CMTM4: variants seen among roughly 807,000 people sequenced by gnomAD.
CMTM4 encodes the protein CKLF like MARVEL transmembrane domain containing 4.
In CMTM4, 8 loss-of-function variants were observed where a neutral mutation model predicts 19.0. The ratio of observed to expected loss-of-function variants is 0.42; its 90% CI spans 0.25 to 0.76. The LOEUF is 0.76. Among genes scored for constraint, CMTM4 ranks in the 30% least tolerant of loss-of-function variants. The pLI, the probability that CMTM4 is intolerant of heterozygous loss-of-function variation, is 0.27. For synonymous variants in CMTM4, 106 were observed against 121.1 expected (o/e 0.88, Z 0.82); for missense variants, 228 against 290.2 (o/e 0.79, Z 1.56).
At chr16:66,613,417 G>C (rs2015458444), downstream of CMTM4, 1 of 387,004 alleles carries the variant, frequency 2.6e-6, no homozygotes, top group African/African-American at 2.0e-5. Flanking sequence ...CTTCTTCCTA[G>C]AGCCCAGCCA....
At chr16:66,691,233 G>A (rs1012371446) in intron 1 of CMTM4, among the ~76,000 whole-genome samples, 1 of 152,184 alleles carries the variant, frequency 6.6e-6, no homozygotes, top group African/African-American at 2.4e-5. Flanking sequence ...ATCAGGTGCG[G>A]TGGCTCACGC....
chr16:66,635,903 G>A (rs563382533), intron 2 of CMTM4, among the ~76,000 whole-genome samples: 2 of 152,260 alleles, frequency 1.3e-5, no homozygotes, highest in South Asian at 4.1e-4. Flanking sequence ...GGGAGAAGGG[G>A]CAGGTTTCCA....
At chr16:66,601,103 G>T in the CMTM4 span, among the ~76,000 whole-genome samples, 1 of 145,946 alleles carries the variant, frequency 6.9e-6, no homozygotes, top group Non-Finnish European at 1.5e-5. Context: ...GTGTGTGTGT[G>T]TGTCTGTGTG....
At chr16:66,624,891 G>T (rs978647020) in intron 2 of CMTM4, among the ~76,000 whole-genome samples, 2 of 152,258 alleles carry the variant, frequency 1.3e-5, no homozygotes, top group Non-Finnish European at 2.9e-5. Flanking sequence ...TCTGCCAGCA[G>T]GATGGGTTTC....
chr16:66,691,012 G>C (rs762347337), intron 1 of CMTM4, among the ~76,000 whole-genome samples: 14 of 152,088 alleles, frequency 9.2e-5, no homozygotes, highest in Non-Finnish European at 1.5e-4. Context: ...GGCTATTCAG[G>C]AGGCTGAGGC....
chr16:66,656,116 T>C (rs1425781852), intron 1 of CMTM4, among the ~76,000 whole-genome samples: 1 of 151,978 alleles, frequency 6.6e-6, no homozygotes, highest in Non-Finnish European at 1.5e-5. Context: ...ACAGAGTATT[T>C]GTCTCCAAAA....
In CMTM4 at chr16:66,621,686, A is replaced by G. The variant is rs1294248113; in HGVS notation, c.*372T>C. Reference sequence around the variant, plus strand: ...GAACCACTGCCGACTGACCGTTCCAATGCTGTCCCTTCATTCCTTCATATT... The same window carrying G: ...GAACCACTGCCGACTGACCGTTCCAGTGCTGTCCCTTCATTCCTTCATATT... On this transcript the variant is annotated 3_prime_UTR_variant, in exon 4 of 4. Transcript: ENST00000394106. 7.6e-6 allele frequency: 8 copies of G among 1,053,678 alleles called. No homozygotes were observed. Among genetic ancestry groups the G allele is most frequent in the South Asian group, 7.0e-5 (2 of 28,762 alleles). The allele number at this position is 1,053,678 out of a possible 1,614,324, so 65.3% of individuals were successfully genotyped here. A position where few individuals can be genotyped will look rare whatever the true frequency, so the allele number is the denominator to read the frequency against.
intron 1 of CMTM4, among the ~76,000 whole-genome samples, chr16:66,684,680 T>C (rs2017001703): frequency 6.6e-6 from 1 of 152,158 alleles, no homozygotes; most frequent in Admixed American, 6.6e-5. Flanking sequence ...GTTAAACTGT[T>C]TAAAAATAGG....
At chr16:66,666,793 T>C (rs2016602222) in intron 1 of CMTM4, among the ~76,000 whole-genome samples, 1 of 152,200 alleles carries the variant, frequency 6.6e-6, no homozygotes, top group Non-Finnish European at 1.5e-5. Flanking sequence ...CTGGAGGCCA[T>C]AATCCTAAGT....
chr16:66,612,518 G>A, downstream of CMTM4: 2 of 1,393,322 alleles, frequency 1.4e-6, no homozygotes, highest in Non-Finnish European at 1.0e-6. The surrounding 1 kb of genome is among the most constrained non-coding windows in gnomAD (Gnocchi z 6.0). Flanking sequence ...CCAGGCTCCT[G>A]CCAGCAACCC....
the CMTM4 span, chr16:66,609,242 T>C: frequency 1.7e-6 from 1 of 598,114 alleles, no homozygotes; most frequent in East Asian, 2.8e-5. The surrounding 1 kb of genome is among the most constrained non-coding windows in gnomAD (Gnocchi z 4.4). Flanking sequence ...GATAGGGCAG[T>C]GTCAGCTGCT....
Position 66,622,362 on chromosome 16 carries a change from T to G in CMTM4, c.463-140A>C. On this transcript the variant is annotated intron_variant, in intron 3 of 3. Coordinates refer to ENST00000394106, the MANE Select transcript of CMTM4 (RefSeq NM_181521.3). The surrounding 1 kb of genome is among the most constrained non-coding windows in gnomAD (Gnocchi z 4.0). ...CCCTGTGCCTTCATTCCTTGATCTC[T>G]TCCCCCTCTCAGCAGCCCCATTTGA... is the stretch of plus-strand genomic sequence containing the variant. 5 of 923,030 alleles carry G rather than the reference T, an allele frequency of 5.4e-6. No homozygotes were observed. Among genetic ancestry groups the G allele is most frequent in the Non-Finnish European group, 3.2e-6 (2 of 619,680 alleles). 57.2% of individuals were successfully genotyped at this position (923,030 alleles called of 1,614,324 possible).
rs777612353 is a variant in CMTM4, at chr16:66,617,284, A to G, written c.*4774T>C. On this transcript the variant is annotated 3_prime_UTR_variant, in exon 4 of 4. Coordinates refer to ENST00000394106, the MANE Select transcript of CMTM4 (RefSeq NM_181521.3). ...CCCATCATCTGAACTTTTCTAGGCA[A>G]GTTGCCAGTGATTCAAACTCAGCAG... 5.4e-5 allele frequency: 87 copies of G among 1,614,004 alleles called. 1 individual carries two copies. Among genetic ancestry groups the G allele is most frequent in the South Asian group, 1.4e-4 (13 of 91,080 alleles).
intron 1 of CMTM4, among the ~76,000 whole-genome samples, chr16:66,664,197 C>T (rs1166126789): frequency 6.7e-6 from 1 of 148,838 alleles, no homozygotes; most frequent in African/African-American, 2.5e-5. Context: ...CGCACCACTG[C>T]ACTTCCAGCC....
intron 1 of CMTM4, among the ~76,000 whole-genome samples, chr16:66,679,475 C>T (rs1362833814): frequency 6.6e-6 from 1 of 152,094 alleles, no homozygotes; most frequent in Non-Finnish European, 1.5e-5. Context: ...TGGAGACCCC[C>T]CCAGGAGCAG....
intron 1 of CMTM4, among the ~76,000 whole-genome samples, chr16:66,695,834 T>A (rs942891279): frequency 5.3e-5 from 8 of 152,192 alleles, no homozygotes; most frequent in African/African-American, 1.9e-4. Context: ...CAGGGCTACC[T>A]GCCTCCATCC....
intron 1 of CMTM4, among the ~76,000 whole-genome samples, chr16:66,672,564 T>C (rs2016729247): frequency 6.6e-6 from 1 of 151,716 alleles, no homozygotes; most frequent in Non-Finnish European, 1.5e-5. Context: ...GAAAATGTAA[T>C]ACCTGCAACT....
At chr16:66,645,664 C>T (rs57826925) in intron 1 of CMTM4, among the ~76,000 whole-genome samples, 6,887 of 151,950 alleles carry the variant, frequency 0.045, 291 homozygotes, top group East Asian at 0.16. Flanking sequence ...ACATGTATGA[C>T]GCTGCACTGT....
chr16:66,686,144 T>C (rs911177297), intron 1 of CMTM4, among the ~76,000 whole-genome samples: 1 of 151,716 alleles, frequency 6.6e-6, no homozygotes, highest in South Asian at 2.1e-4. Context: ...TCCCAGCTAC[T>C]CGGGGAGTCT....
Sources: gnomAD v4.1 joint callset for allele counts (sites outside exome capture counted in the v4.1 genomes callset) on GRCh38, gnomAD v4.1.1 for gene constraint, Gnocchi (gnomAD v3.1) non-coding constraint, MANE v1.5 for transcripts, NCBI Gene and HGNC (gene_info 2026-07-23, HGNC 2026-07-21) for gene names.